Variants in MYT1L observed in about 807,000 individuals in gnomAD.
The protein encoded by MYT1L is myelin transcription factor 1 like.
MYT1L carries 12 observed loss-of-function variants against 126.7 expected under a neutral mutation model. The observed-to-expected ratio is 0.09, with a 90% CI of 0.06 to 0.15. The LOEUF is 0.15. MYT1L is among the 10% of genes least tolerant of loss of function. The pLI is 1.00. For synonymous variants in MYT1L, 541 were observed against 604.2 expected, an observed-to-expected ratio of 0.90 and a Z score of 1.53; for missense variants, 979 against 1,585.2, an observed-to-expected ratio of 0.62 and a Z score of 6.49.
intron 4 of MYT1L, among the ~76,000 whole-genome samples, chr2:2,039,359 C>T (rs1468976111): frequency 6.6e-6 from 1 of 151,698 alleles, no homozygotes; most frequent in Non-Finnish European, 1.5e-5. Flanking sequence ...GCTATGATTG[C>T]ACCACTGCAC....
chr2:2,036,470 C>T (rs927104175), intron 4 of MYT1L, among the ~76,000 whole-genome samples: 5 of 151,258 alleles, frequency 3.3e-5, no homozygotes, highest in Admixed American at 6.6e-5. Flanking sequence ...CCCTCCAATG[C>T]GGGTGCAGAA....
chr2:2,113,781 G>A (rs955357739), intron 3 of MYT1L, among the ~76,000 whole-genome samples: 3 of 152,042 alleles, frequency 2.0e-5, no homozygotes, highest in African/African-American at 7.2e-5. Context: ...ACACAGATAG[G>A]AAAATAGTTA....
At chr2:2,095,760 C>G (rs765541144) in intron 3 of MYT1L, among the ~76,000 whole-genome samples, 4 of 152,206 alleles carry the variant, frequency 2.6e-5, no homozygotes, top group African/African-American at 7.2e-5. Context: ...GGTGACTCCA[C>G]GGCTCTCCTC....
chr2:2,037,057 C>A (rs909123028), intron 4 of MYT1L, among the ~76,000 whole-genome samples: 1 of 152,186 alleles, frequency 6.6e-6, no homozygotes, highest in East Asian at 1.9e-4. Context: ...CTGAAATAGT[C>A]CCCCCGCTTA....
intron 3 of MYT1L, among the ~76,000 whole-genome samples, chr2:2,103,665 C>A (rs536899514): frequency 1.3e-5 from 2 of 152,348 alleles, no homozygotes; most frequent in South Asian, 2.1e-4. Context: ...GCACGTTCCC[C>A]ACATTACATG....
intron 3 of MYT1L, among the ~76,000 whole-genome samples, chr2:2,102,441 T>C (rs1278663931): frequency 1.3e-5 from 2 of 152,170 alleles, no homozygotes; most frequent in African/African-American, 4.8e-5. Flanking sequence ...CCTTCTAATT[T>C]CATCTGCCGA....
rs2051786537 is a variant in MYT1L at position 1,910,404 on chromosome 2, T to G, written c.1710-57A>C. On this transcript the variant is annotated intron_variant, in intron 12 of 24. Coordinates refer to ENST00000647738, the MANE Select transcript of MYT1L (RefSeq NM_001303052.2). This position sits in a 1 kb window ranked among gnomAD's most constrained non-coding sequence, Gnocchi z 4.8. ...CGCCTCAAACACCTTCACAGCACAC[T>G]AATCCTCCCTTAGCACCAAGACCCT... is the stretch of plus-strand genomic sequence containing the variant. The G allele has an allele frequency of 2.7e-6, 4 of 1,468,590 alleles. No homozygotes were observed. The East Asian group carries it at 9.1e-5, about 33-fold the overall frequency. The allele number at this position is 1,468,590 out of a possible 1,614,324, so 91.0% of individuals were successfully genotyped here. A position where few individuals can be genotyped will look rare whatever the true frequency, so the allele number is the denominator to read the frequency against.
At chr2:2,114,861 TCA>T (rs1408043107) in intron 3 of MYT1L, among the ~76,000 whole-genome samples, 1 of 152,172 alleles carries the variant, frequency 6.6e-6, no homozygotes, top group Non-Finnish European at 1.5e-5. Flanking sequence ...CGTGCATAAA[TCA>T]CAGTGATTTT....
chr2:2,313,454 C>G (rs909577343), intron 1 of MYT1L, among the ~76,000 whole-genome samples: 2 of 151,588 alleles, frequency 1.3e-5, no homozygotes, highest in Non-Finnish European at 2.9e-5. Context: ...GATCTGAAAG[C>G]AGATAACAAA....
chr2:2,037,982 C>T (rs749952440), intron 4 of MYT1L, among the ~76,000 whole-genome samples: 2 of 152,150 alleles, frequency 1.3e-5, no homozygotes, highest in Non-Finnish European at 2.9e-5. Context: ...TGTGTTGTGT[C>T]CATGTCTTGC....
At chr2:1,911,868 G>A (rs1310215866) in intron 12 of MYT1L, among the ~76,000 whole-genome samples, 152 bp downstream of exon 12, 1 of 152,232 alleles carries the variant, frequency 6.6e-6, no homozygotes, top group Non-Finnish European at 1.5e-5. Flanking sequence ...AGGGCGTGGA[G>A]TGCTTTCACT....
At chr2:2,194,793 G>C (rs1267684838) in intron 2 of MYT1L, among the ~76,000 whole-genome samples, 1 of 152,196 alleles carries the variant, frequency 6.6e-6, no homozygotes, top group Non-Finnish European at 1.5e-5. Flanking sequence ...CCAACTTTAA[G>C]CCAAGAACCA....
chr2:2,161,465 G>A (rs148611080), intron 3 of MYT1L, among the ~76,000 whole-genome samples: 3 of 152,358 alleles, frequency 2.0e-5, no homozygotes, highest in East Asian at 1.9e-4. Flanking sequence ...GGGTATCAAT[G>A]AAACAAGTGA....
Position 2,226,339 on chromosome 2 carries a change from A to T in MYT1L, c.-420-53351T>A, listed in dbSNP as rs867679193. ...AGGAATGAAGCATATTTGTTCTATA[A>T]TAAAACAGGTTAATATAAAATTAGA... On this transcript the variant is annotated intron_variant, in intron 2 of 24. Coordinates refer to ENST00000647738, the MANE Select transcript of MYT1L (RefSeq NM_001303052.2). 1.3e-5 allele frequency among the ~76,000 whole-genome samples: 2 copies of T among 152,124 alleles called. 1 individual carries two copies. The highest frequency in any genetic ancestry group is 4.8e-5 in the African/African-American group (2 of 41,368).
chr2:2,310,545 T>C (rs1215744479), intron 1 of MYT1L, among the ~76,000 whole-genome samples: 7 of 152,206 alleles, frequency 4.6e-5, no homozygotes, highest in East Asian at 1.9e-4. Context: ...AGAGAAGCCA[T>C]GTGTATTCTC....
chr2:2,016,692 G>A (rs1205773443), intron 4 of MYT1L, among the ~76,000 whole-genome samples: 1 of 152,216 alleles, frequency 6.6e-6, no homozygotes, highest in Admixed American at 6.5e-5. Context: ...TCAAGAGGGA[G>A]AAAGAAGCTG....
At chr2:2,163,592 T>C (rs1024579038) in intron 3 of MYT1L, among the ~76,000 whole-genome samples, 2 of 148,360 alleles carry the variant, frequency 1.3e-5, no homozygotes, top group South Asian at 4.3e-4. Context: ...ATTAGCGGGG[T>C]GCGGTGGCGG....
At chr2:2,265,256 C>T (rs1323743437) in intron 2 of MYT1L, among the ~76,000 whole-genome samples, 1 of 151,990 alleles carries the variant, frequency 6.6e-6, no homozygotes, top group African/African-American at 2.4e-5. Context: ...GATCCACCCG[C>T]CTCGGTCTCC....
chr2:1,917,048 C>T lies in MYT1L; in HGVS notation c.1618+157G>A, dbSNP rs749078708. Among the ~76,000 whole-genome samples, 1 of 152,100 alleles carries T rather than the reference C, an allele frequency of 6.6e-6. No homozygotes were observed. Among genetic ancestry groups the T allele is most frequent in the African/African-American group, 2.4e-5 (1 of 41,420 alleles). On this transcript the variant is annotated intron_variant, in intron 11 of 24. Coordinates refer to ENST00000647738, the MANE Select transcript of MYT1L (RefSeq NM_001303052.2). This position sits in a 1 kb window ranked among gnomAD's most constrained non-coding sequence, Gnocchi z 5.9. Reference sequence around the variant, plus strand: ...TGGGGCTGTGCCATTGGCATGCCCACGAATCCTGGATCAGTTGCCCATCAA... The same window carrying T: ...TGGGGCTGTGCCATTGGCATGCCCATGAATCCTGGATCAGTTGCCCATCAA...
Sources: gnomAD v4.1 joint callset for allele counts (sites outside exome capture counted in the v4.1 genomes callset) on GRCh38, gnomAD v4.1.1 for gene constraint, Gnocchi (gnomAD v3.1) non-coding constraint, MANE v1.5 for transcripts, NCBI Gene and HGNC (gene_info 2026-07-23, HGNC 2026-07-21) for gene names.